Variants in PDZD2 observed in about 807,000 individuals in gnomAD.
PDZD2 encodes PDZ domain-containing protein 2.
A neutral mutation model predicts 220.7 loss-of-function variants in PDZD2; 90 were observed. The observed-to-expected ratio is 0.41, with a 90% CI of 0.34 to 0.49. The LOEUF (loss-of-function observed/expected upper bound fraction) is 0.49, where lower values mean the gene tolerates loss of function less well. Among genes scored for constraint, PDZD2 ranks in the 20% least tolerant of loss-of-function variants. The probability of loss-of-function intolerance (pLI) is 0.28; values close to 1 mark genes in which losing one functional copy is unlikely to be tolerated. For synonymous variants in PDZD2, 1,375 were observed against 1,450.5 expected (o/e 0.95, Z 1.18); for missense variants, 3,174 against 3,608.5 (o/e 0.88, Z 3.08).
chr5:31,749,818 C>T (rs989984814), intron 1 of PDZD2, among the ~76,000 whole-genome samples: 1 of 152,154 alleles, frequency 6.6e-6, no homozygotes, highest in African/African-American at 2.4e-5. Context: ...CAGGCTTTTC[C>T]CATCCCACAG....
chr5:31,745,411 A>T (rs561635305), intron 1 of PDZD2, among the ~76,000 whole-genome samples: 9 of 152,316 alleles, frequency 5.9e-5, no homozygotes, highest in Admixed American at 3.3e-4. Context: ...GATACACAGT[A>T]GGTGCTCAAT....
intron 2 of PDZD2, among the ~76,000 whole-genome samples, chr5:31,931,233 G>T (rs1745263111): frequency 6.6e-6 from 1 of 152,160 alleles, no homozygotes; most frequent in Admixed American, 6.5e-5. Context: ...ATGTTGGCCA[G>T]GCTGGTTTCG....
At chr5:31,701,009 C>T (rs1480807692) in intron 1 of PDZD2, among the ~76,000 whole-genome samples, 3 of 152,214 alleles carry the variant, frequency 2.0e-5, no homozygotes, top group Admixed American at 1.3e-4. Context: ...CTGCCTCTGG[C>T]TGTGCCCAAG....
chr5:31,884,619 T>G (rs1317802520), intron 2 of PDZD2, among the ~76,000 whole-genome samples: 4 of 151,984 alleles, frequency 2.6e-5, no homozygotes, highest in Non-Finnish European at 5.9e-5. Flanking sequence ...AGCAGAGTCT[T>G]GCTCTGTCAC....
intron 2 of PDZD2, among the ~76,000 whole-genome samples, chr5:31,869,578 A>T (rs1738582114): frequency 6.6e-6 from 1 of 152,094 alleles, no homozygotes; most frequent in South Asian, 2.1e-4. Context: ...GAAAAAAAAA[A>T]CAAAAGAAAA....
intron 1 of PDZD2, among the ~76,000 whole-genome samples, chr5:31,650,216 A>G (rs1287793931): frequency 2.6e-5 from 4 of 152,130 alleles, no homozygotes; most frequent in Admixed American, 6.5e-5. Flanking sequence ...TGTCTGTTGA[A>G]CAAGTCAAGC....
intron 2 of PDZD2, among the ~76,000 whole-genome samples, chr5:31,858,936 C>G (rs1355750891): frequency 1.3e-5 from 2 of 152,080 alleles, no homozygotes; most frequent in African/African-American, 4.8e-5. Flanking sequence ...CCAGGCTGGC[C>G]TTGAACTCCT....
At chr5:32,078,556 C>T (rs746469133) in intron 19 of PDZD2, among the ~76,000 whole-genome samples, 4 of 147,858 alleles carry the variant, frequency 2.7e-5, no homozygotes, top group Non-Finnish European at 5.9e-5. Context: ...TGCTTGAACC[C>T]GGGAGGTGGA....
At position 31,799,463 on chromosome 5, in the gene PDZD2, A is replaced by G; in HGVS notation, c.215A>G (p.Tyr72Cys). ...SPPEMEICTV[Y>C]LTKELGDTET... ...CCCGAAATGGAGATCTGTACTGTGT[A>G]CCTCACCAAGGAGCTGGGGGACACA... The change falls in exon 2 of 25, where the codon TAC becomes TGC. Residue 72 changes from tyrosine (Y) to cysteine (C), a missense_variant. Tyr to Cys is a radical substitution (Grantham distance 194). Around this residue, in one of 4 missense-constraint regions of PDZD2, gnomAD observed 632 missense variants for 708.1 expected, o/e 0.89. Coordinates refer to ENST00000438447, the MANE Select transcript of PDZD2 (RefSeq NM_178140.4). 1 of 1,614,082 alleles carries G rather than the reference A, an allele frequency of 6.2e-7. No homozygotes were observed.
At chr5:31,784,516 C>T (rs1314841084) in intron 1 of PDZD2, among the ~76,000 whole-genome samples, 1 of 152,118 alleles carries the variant, frequency 6.6e-6, no homozygotes, top group Non-Finnish European at 1.5e-5. Context: ...GAAATCATTA[C>T]TTATTGATGT....
At chr5:31,920,702 G>A (rs897124347) in intron 2 of PDZD2, among the ~76,000 whole-genome samples, 1 of 152,038 alleles carries the variant, frequency 6.6e-6, no homozygotes, top group Non-Finnish European at 1.5e-5. Context: ...CACACCAAAT[G>A]TATAATGACA....
chr5:31,864,839 C>CTTTTTTTT (rs70955752), intron 2 of PDZD2, among the ~76,000 whole-genome samples: 2 of 70,932 alleles, frequency 2.8e-5, no homozygotes, highest in Non-Finnish European at 2.6e-5. Flanking sequence ...TGAGATTTGT[C>CTTTTTTTT]TTTTTTTTTT....
chr5:31,672,605 C>T (rs1002968784), intron 1 of PDZD2, among the ~76,000 whole-genome samples: 2 of 152,184 alleles, frequency 1.3e-5, no homozygotes, highest in East Asian at 1.9e-4. Flanking sequence ...AAGGATCTCT[C>T]GGGCCCTCTC....
At chr5:32,007,805 C>T (rs1038097543) in intron 5 of PDZD2, among the ~76,000 whole-genome samples, 3 of 152,230 alleles carry the variant, frequency 2.0e-5, no homozygotes, top group African/African-American at 7.2e-5. Flanking sequence ...CGCTCTAGAG[C>T]CCCAGCCCCC....
intron 3 of PDZD2, among the ~76,000 whole-genome samples, chr5:31,985,117 CAA>C (rs373205260): frequency 3.5e-5 from 5 of 143,294 alleles, no homozygotes; most frequent in African/African-American, 1.3e-4. Flanking sequence ...GGATTAAGGA[CAA>C]AAAAAAAAAA....
chr5:31,715,377 T>C (rs1748386202), intron 1 of PDZD2, among the ~76,000 whole-genome samples: 1 of 152,232 alleles, frequency 6.6e-6, no homozygotes, highest in Non-Finnish European at 1.5e-5. Context: ...TGCTTCTTTC[T>C]GGTCCAGTGA....
intron 2 of PDZD2, among the ~76,000 whole-genome samples, chr5:31,803,000 C>T (rs929881946): frequency 1.3e-5 from 2 of 151,040 alleles, no homozygotes; most frequent in Middle Eastern, 3.4e-3. Context: ...ACAGGAGGCA[C>T]GCCACACCAC....
intron 2 of PDZD2, among the ~76,000 whole-genome samples, chr5:31,971,689 C>T (rs1749310723): frequency 6.6e-6 from 1 of 152,222 alleles, no homozygotes; most frequent in Admixed American, 6.5e-5. Flanking sequence ...GTCTCTGCTT[C>T]TAACCTATTC....
chr5:32,018,457 C>T (rs1393408471), intron 6 of PDZD2, among the ~76,000 whole-genome samples: 2 of 152,164 alleles, frequency 1.3e-5, no homozygotes, highest in Non-Finnish European at 2.9e-5. Flanking sequence ...TTGTGGTGCT[C>T]GTGGGAAACT....
Sources: allele counts gnomAD v4.1 joint callset (sites outside exome capture counted in the v4.1 genomes callset), GRCh38; gene constraint gnomAD v4.1.1; regional missense constraint gnomAD v4.1.1; transcripts MANE v1.5; gene names NCBI Gene and HGNC (gene_info 2026-07-23, HGNC 2026-07-21).